ANKRD11: variants seen among roughly 807,000 people sequenced by gnomAD.
ANKRD11 encodes the protein ankyrin repeat domain-containing protein 11.
In ANKRD11, 17 loss-of-function variants were observed where a neutral mutation model predicts 195.7. That is an observed-to-expected ratio of 0.09 (90% CI 0.06 to 0.13). ANKRD11 has a LOEUF of 0.13. Among genes scored for constraint, ANKRD11 ranks in the 10% least tolerant of loss-of-function variants. The pLI is 1.00. For synonymous variants in ANKRD11, 1,953 were observed against 1,528.1 expected (o/e 1.28, Z -6.49); for missense variants, 3,735 against 3,566.1 (o/e 1.05, Z -1.21).
At position 89,279,678 on chromosome 16, in the gene ANKRD11, G is replaced by A. The variant is rs377447921; in HGVS notation, c.6864C>T (p.Ala2288=). The change falls in exon 9 of 13, where the codon GCC becomes GCT. Residue 2288 remains alanine, a synonymous_variant. Coordinates refer to ENST00000301030, the MANE Select transcript of ANKRD11 (RefSeq NM_013275.6). The surrounding 1 kb of genome is among the most constrained non-coding windows in gnomAD (Gnocchi z 5.6). ...TVAQAQAADG[A]GPEDDTEASR... ...AGGCCTCAGTGTCGTCCTCGGGGCC[G>A]GCACCGTCTGCGGCCTGAGCTTGTG... is the stretch of plus-strand genomic sequence containing the variant. 64 of 1,476,990 alleles carry A rather than the reference G, an allele frequency of 4.3e-5. No individual in the cohort carries two copies. Among genetic ancestry groups the A allele is most frequent in the East Asian group, 4.2e-4 (17 of 40,420 alleles). 91.5% of individuals were successfully genotyped at this position (1,476,990 alleles called of 1,614,324 possible).
intron 2 of ANKRD11, among the ~76,000 whole-genome samples, chr16:89,343,181 G>A (rs958691922): frequency 6.6e-6 from 1 of 151,988 alleles, no homozygotes; most frequent in East Asian, 1.9e-4. Context: ...AGTGGAGACG[G>A]GGTTTCACCA....
At chr16:89,392,612 G>A (rs1270744987) in intron 2 of ANKRD11, 1 of 151,602 alleles carries the variant, frequency 6.6e-6, no homozygotes. Context: ...TGTCTTGGTT[G>A]TCCCTCAGAT....
intron 12 of ANKRD11, 183 bp downstream of exon 12, chr16:89,270,634 A>G: frequency 3.0e-6 from 2 of 665,392 alleles, no homozygotes; most frequent in Non-Finnish European, 2.7e-6. Flanking sequence ...GGCCACACGC[A>G]GGGACAGGAC....
chr16:89,350,959 G>C (rs939705278), intron 2 of ANKRD11, among the ~76,000 whole-genome samples: 1 of 152,214 alleles, frequency 6.6e-6, no homozygotes, highest in African/African-American at 2.4e-5. Flanking sequence ...TAGCTTAGGT[G>C]TGTGGGAGGC....
chr16:89,483,331 G>A (rs910962769), intron 1 of ANKRD11, among the ~76,000 whole-genome samples: 2 of 152,140 alleles, frequency 1.3e-5, no homozygotes, highest in Admixed American at 6.6e-5. Context: ...CCAGTCATCT[G>A]GTGAGAACCC....
chr16:89,421,145 A>G (rs331675), intron 1 of ANKRD11, among the ~76,000 whole-genome samples: 39 of 134,036 alleles, frequency 2.9e-4, no homozygotes, highest in Admixed American at 3.0e-4. Context: ...TCAGTGTGTG[A>G]TGACGGAGTC....
At chr16:89,269,498 T>C (rs1342075849) in intron 12 of ANKRD11, among the ~76,000 whole-genome samples, 3 of 152,178 alleles carry the variant, frequency 2.0e-5, no homozygotes, top group East Asian at 1.9e-4. Flanking sequence ...CCAGTGTAAA[T>C]TGTTACATGG....
At chr16:89,402,539 G>C (rs922703381) in intron 2 of ANKRD11, among the ~76,000 whole-genome samples, 5 of 151,470 alleles carry the variant, frequency 3.3e-5, no homozygotes, top group African/African-American at 1.2e-4. Context: ...AAATTGCTGC[G>C]TATGGTGCCG....
intron 2 of ANKRD11, among the ~76,000 whole-genome samples, chr16:89,351,916 A>G (rs1249287321): frequency 6.6e-6 from 1 of 152,112 alleles, no homozygotes; most frequent in Non-Finnish European, 1.5e-5. Context: ...TCAAGCTGGT[A>G]TTATCTCTTT....
chr16:89,439,786 C>G (rs1435474413), intron 1 of ANKRD11, among the ~76,000 whole-genome samples: 1 of 152,202 alleles, frequency 6.6e-6, no homozygotes, highest in East Asian at 1.9e-4. Flanking sequence ...AACTCCGTCC[C>G]CCTCAGAACT....
chr16:89,406,043 G>C (rs2041893703), intron 2 of ANKRD11, among the ~76,000 whole-genome samples: 1 of 149,532 alleles, frequency 6.7e-6, no homozygotes, highest in South Asian at 2.1e-4. Flanking sequence ...CCCGAAGGCA[G>C]AGGCTGCAGT....
At chr16:89,462,213 G>C (rs1038146080) in intron 1 of ANKRD11, among the ~76,000 whole-genome samples, 3 of 152,184 alleles carry the variant, frequency 2.0e-5, no homozygotes, top group African/African-American at 7.2e-5. Context: ...CCGAGTGCCT[G>C]CGATTGCAGG....
chr16:89,449,306 A>G (rs1314808711), intron 1 of ANKRD11, among the ~76,000 whole-genome samples: 1 of 152,064 alleles, frequency 6.6e-6, no homozygotes. Flanking sequence ...TCGAGGCTAC[A>G]GTGAGCCGTG....
At chr16:89,297,024 G>A (rs1479819343) in intron 4 of ANKRD11, among the ~76,000 whole-genome samples, 1 of 152,090 alleles carries the variant, frequency 6.6e-6, no homozygotes, top group African/African-American at 2.4e-5. Context: ...AGCTTTCCGT[G>A]GGGTCTGGGC....
At chr16:89,323,768 C>A (rs1448140698) in intron 2 of ANKRD11, 2 of 259,052 alleles carry the variant, frequency 7.7e-6, no homozygotes, top group Non-Finnish European at 1.5e-5. Flanking sequence ...CTCCTCAGGG[C>A]CGCACCAGCT....
chr16:89,278,415 G>A (rs1197774868), intron 9 of ANKRD11: 3 of 414,018 alleles, frequency 7.2e-6, no homozygotes, highest in East Asian at 7.1e-5. Flanking sequence ...CCATTTGGAG[G>A]GATCTATTTT....
chr16:89,268,983 C>T (rs1017744432), intron 12 of ANKRD11, among the ~76,000 whole-genome samples: 5 of 152,256 alleles, frequency 3.3e-5, no homozygotes, highest in Admixed American at 3.3e-4. Context: ...TTATTAGAAT[C>T]GAACAGCTTT....
Position 89,346,250 on chromosome 16 carries a change from G to GAA in ANKRD11, c.-59-29174_-59-29173dup, listed in dbSNP as rs35573539. Among the ~76,000 whole-genome samples the GAA allele has an allele frequency of 4.7e-3, 452 of 96,754 alleles. 3 individuals are homozygous for GAA. The highest frequency in any genetic ancestry group is 0.024 in the Middle Eastern group (4 of 170). The allele number at this position is 96,754 out of a possible 152,430, so 63.5% of individuals were successfully genotyped here. ...GCGACAGAGGGAGACCCCGTCTCAG[G>GAA]AAAAAAAAAAAAAAAAAAAAGAATC... On this transcript the variant is annotated intron_variant, in intron 2 of 12. Transcript: ENST00000301030.
rs373244321 is a variant in ANKRD11, at chr16:89,355,847, T to C, written c.-59-38769A>G. On this transcript the variant is annotated intron_variant, in intron 2 of 12. Coordinates refer to ENST00000301030, the MANE Select transcript of ANKRD11 (RefSeq NM_013275.6). ...TGTGGCTCTCCTGTGCGCAGCCCAA[T>C]GGAAAGGCAGAGTGACCGATGAGAT... Among the ~76,000 whole-genome samples, 50 of 152,116 alleles carry C rather than the reference T, an allele frequency of 3.3e-4. No individual in the cohort carries two copies. The South Asian group carries it at 7.5e-3, about 23-fold the overall frequency.
Sources: gnomAD v4.1 joint callset for allele counts (sites outside exome capture counted in the v4.1 genomes callset) on GRCh38, gnomAD v4.1.1 for gene constraint, Gnocchi (gnomAD v3.1) non-coding constraint, MANE v1.5 for transcripts, NCBI Gene and HGNC (gene_info 2026-07-23, HGNC 2026-07-21) for gene names.